The following IL1RAPL1 variants were observed in gnomAD, a reference collection of about 807,000 sequenced individuals.
IL1RAPL1 encodes the protein interleukin 1 receptor accessory protein like 1.
Under a neutral mutation model 48.4 loss-of-function variants are expected in IL1RAPL1, and 3 were observed. That is an observed-to-expected ratio of 0.06 (90% CI 0.03 to 0.16). The LOEUF (loss-of-function observed/expected upper bound fraction) is 0.16, where lower values mean the gene tolerates loss of function less well. Ranked by LOEUF, IL1RAPL1 falls within the 10% of genes least tolerant of loss-of-function variation. The pLI, the probability that IL1RAPL1 is intolerant of heterozygous loss-of-function variation, is 1.00. For missense variants in IL1RAPL1, 349 were observed against 530.6 expected, an observed-to-expected ratio of 0.66 and a Z score of 3.36; for synonymous variants, 185 against 187.7, an observed-to-expected ratio of 0.99 and a Z score of 0.12.
intron 3 of IL1RAPL1, among the ~76,000 whole-genome samples, chrX:29,288,273 AT>A (rs1319672795): frequency 9.0e-6 from 1 of 110,929 alleles, no homozygotes; most frequent in Non-Finnish European, 1.9e-5. Flanking sequence ...TCCAGCATGC[AT>A]CAGCTATTTT....
At chrX:29,803,008 TAC>T (rs1264539742) in intron 6 of IL1RAPL1, among the ~76,000 whole-genome samples, 9 of 37,466 alleles carry the variant, frequency 2.4e-4, no homozygotes, top group Non-Finnish European at 3.8e-4. Flanking sequence ...TATGCATATA[TAC>T]ATATGTGTAC....
intron 5 of IL1RAPL1, among the ~76,000 whole-genome samples, chrX:29,587,810 T>C (rs1302138012): frequency 1.8e-5 from 2 of 112,401 alleles, no homozygotes; most frequent in African/African-American, 6.5e-5. Context: ...TGTTAGAAAC[T>C]ATCTCCTGCC....
intron 1 of IL1RAPL1, among the ~76,000 whole-genome samples, chrX:28,753,307 T>C (rs774779069): frequency 8.9e-6 from 1 of 112,696 alleles, no homozygotes; most frequent in Admixed American, 9.4e-5. Context: ...TGCTTGCCTA[T>C]TGAATTTCTT....
At chrX:29,374,172 T>C (rs1933586480) in intron 3 of IL1RAPL1, among the ~76,000 whole-genome samples, 1 of 105,761 alleles carries the variant, frequency 9.5e-6, no homozygotes, top group Non-Finnish European at 1.9e-5. Flanking sequence ...GGAGGGGACC[T>C]TCCTCCTTGA....
chrX:29,811,537 C>T (rs2147178080), intron 6 of IL1RAPL1, among the ~76,000 whole-genome samples: 1 of 109,127 alleles, frequency 9.2e-6, no homozygotes, highest in East Asian at 2.9e-4. Flanking sequence ...AGCCCACTGA[C>T]TCAAATGTTA....
At chrX:29,180,495 A>C (rs1039262488) in intron 2 of IL1RAPL1, among the ~76,000 whole-genome samples, 2 of 107,144 alleles carry the variant, frequency 1.9e-5, no homozygotes, top group African/African-American at 6.8e-5. Flanking sequence ...TCCTGCCTCA[A>C]CCTCCCAAGT....
intron 2 of IL1RAPL1, among the ~76,000 whole-genome samples, chrX:29,276,520 A>C (rs1282083080): frequency 8.9e-6 from 1 of 111,855 alleles, no homozygotes; most frequent in African/African-American, 3.2e-5. Flanking sequence ...GTTATAAGCG[A>C]TTGTGTTAAC....
At chrX:28,620,179 G>T (rs945503413) in intron 1 of IL1RAPL1, among the ~76,000 whole-genome samples, 14 of 111,388 alleles carry the variant, frequency 1.3e-4, no homozygotes, top group African/African-American at 4.6e-4. Context: ...ACTGAACTTT[G>T]GGAAATGCCA....
At chrX:29,092,664 T>C (rs1213963741) in intron 2 of IL1RAPL1, among the ~76,000 whole-genome samples, 1 of 111,968 alleles carries the variant, frequency 8.9e-6, no homozygotes, top group Non-Finnish European at 1.9e-5. Flanking sequence ...AATTGATTTA[T>C]CAAAAATGAA....
At position 28,611,172 on chromosome X, in the gene IL1RAPL1, C is replaced by T. The variant is rs149171861; in HGVS notation, c.-25+23125C>T. Among the ~76,000 whole-genome samples the T allele has an allele frequency of 3.8e-3, 423 of 111,895 alleles. 3 individuals are homozygous for T. The highest frequency in any genetic ancestry group is 0.013 in the African/African-American group (411 of 30,806). The stretch of plus-strand genomic sequence containing the variant: ...AATCTTTGTTGAAAATGATTTAACA[C>T]ATTAAAAGAGCAAATCAGTATCTTA... On this transcript the variant is annotated intron_variant, in intron 1 of 10. Coordinates refer to ENST00000378993, the MANE Select transcript of IL1RAPL1 (RefSeq NM_014271.4).
intron 5 of IL1RAPL1, among the ~76,000 whole-genome samples, chrX:29,554,446 G>T (rs1283486450): frequency 9.0e-6 from 1 of 111,326 alleles, no homozygotes; most frequent in African/African-American, 3.3e-5. Flanking sequence ...TCTGTTCTCA[G>T]TCAGAAAGGA....
At chrX:29,343,268 T>G in intron 3 of IL1RAPL1, among the ~76,000 whole-genome samples, 1 of 112,042 alleles carries the variant, frequency 8.9e-6, no homozygotes, top group Non-Finnish European at 1.9e-5. Context: ...TACTTTTGCT[T>G]TCTTGTATTT....
At chrX:28,928,510 T>C (rs993313047) in intron 2 of IL1RAPL1, among the ~76,000 whole-genome samples, 1 of 112,007 alleles carries the variant, frequency 8.9e-6, no homozygotes, top group Non-Finnish European at 1.9e-5. Context: ...CCTAGCTTTT[T>C]ACCCCACGTC....
chrX:28,807,258 A>G (rs1230006094), intron 2 of IL1RAPL1, among the ~76,000 whole-genome samples: 1 of 111,448 alleles, frequency 9.0e-6, no homozygotes, highest in East Asian at 2.8e-4. Flanking sequence ...ATCCTCAACC[A>G]TTCTTTAGAC....
chrX:29,594,827 C>G (rs1355744694), intron 5 of IL1RAPL1, among the ~76,000 whole-genome samples: 1 of 111,220 alleles, frequency 9.0e-6, no homozygotes, highest in Admixed American at 9.6e-5. Context: ...TTTTGATGCA[C>G]CCATCACCTG....
chrX:29,955,146 C>T lies in IL1RAPL1; in HGVS notation c.1417C>T (p.Leu473=). ...AAGATGTGTAGATCAAAGCAAGCGG[C>T]TGATTATTGTCATGACCCCAAATTA... ...VARCVDQSKR[L]IIVMTPNYVV... The change falls in exon 11 of 11, where the codon CTG becomes TTG. Residue 473 remains leucine, a synonymous_variant. Coordinates refer to ENST00000378993, the MANE Select transcript of IL1RAPL1 (RefSeq NM_014271.4). 8.3e-7 allele frequency: 1 copy of T among 1,201,854 alleles called. No individual in the cohort carries two copies. The highest frequency in any genetic ancestry group is 1.1e-6 in the Non-Finnish European group (1 of 890,147).
At position 29,089,749 on chromosome X, in the gene IL1RAPL1, AATATATATATATATATAT is replaced by A. The variant is rs1159198583; in HGVS notation, c.83-193168_83-193151del. Among the ~76,000 whole-genome samples the A allele has an allele frequency of 6.0e-3, 102 of 16,976 alleles. 8 individuals are homozygous for A. The highest frequency in any genetic ancestry group is 0.016 in the African/African-American group (65 of 3,986). The allele number at this position is 16,976 out of a possible 115,157, so 14.7% of individuals were successfully genotyped here. On this transcript the variant is annotated intron_variant, in intron 2 of 10. Coordinates refer to ENST00000378993, the MANE Select transcript of IL1RAPL1 (RefSeq NM_014271.4). ...TTCTACATGAAAGCAGAGAAATATG[AATATATATATATATATAT>A]ATATATATATATATATATATGTGCA...
At chrX:29,595,325 T>C (rs761332052) in intron 5 of IL1RAPL1, among the ~76,000 whole-genome samples, 1 of 112,305 alleles carries the variant, frequency 8.9e-6, no homozygotes, top group African/African-American at 3.2e-5. Flanking sequence ...CAGTTTTCCA[T>C]AGTGGTCGTA....
intron 2 of IL1RAPL1, among the ~76,000 whole-genome samples, chrX:28,853,691 A>G (rs891419649): frequency 1.8e-5 from 2 of 111,694 alleles, no homozygotes. Flanking sequence ...TAACGCCAAA[A>G]CAAATATGAT....
Sources: gnomAD v4.1 joint callset for allele counts (sites outside exome capture counted in the v4.1 genomes callset) on GRCh38, gnomAD v4.1.1 for gene constraint, MANE v1.5 for transcripts, NCBI Gene and HGNC (gene_info 2026-07-23, HGNC 2026-07-21) for gene names.